The following MBD1 variants were observed in gnomAD, a reference collection of about 807,000 sequenced individuals.
MBD1 encodes methyl-CpG-binding domain protein 1.
Under a neutral mutation model 82.6 loss-of-function variants are expected in MBD1, and 25 were observed. That is an observed-to-expected ratio of 0.30 (90% confidence interval 0.22 to 0.42). The LOEUF (loss-of-function observed/expected upper bound fraction) is 0.42, where lower values mean the gene tolerates loss of function less well. Ranked by LOEUF, MBD1 falls within the 10% of genes least tolerant of loss-of-function variation. The pLI is 1.00. For synonymous variants in MBD1, 301 were observed against 303.7 expected (o/e 0.99, Z 0.09); for missense variants, 627 against 819.6 (o/e 0.76, Z 2.87).
At chr18:50,275,512 T>C in intron 8 of MBD1, 88 bp downstream of exon 8, 4 of 1,607,888 alleles carry the variant, frequency 2.5e-6, no homozygotes, top group Non-Finnish European at 3.4e-6. Flanking sequence ...AAGAAAGACA[T>C]GAGGTAGGCA....
downstream of MBD1, among the ~76,000 whole-genome samples, chr18:50,268,566 G>A (rs1367491993): frequency 1.3e-5 from 2 of 152,262 alleles, no homozygotes; most frequent in Non-Finnish European, 2.9e-5. Flanking sequence ...GTGCCTCCAG[G>A]GCCCCGGTGG....
chr18:50,278,333 G>C (rs923433069), intron 2 of MBD1, among the ~76,000 whole-genome samples: 1 of 152,172 alleles, frequency 6.6e-6, no homozygotes, highest in African/African-American at 2.4e-5. Flanking sequence ...TTGCAGATAA[G>C]GGGGAGACTA....
intron 1 of MBD1, among the ~76,000 whole-genome samples, chr18:50,280,567 T>C (rs533499813): frequency 6.6e-6 from 1 of 152,078 alleles, no homozygotes; most frequent in South Asian, 2.1e-4. Flanking sequence ...CCTCTTATCC[T>C]GCTACCTCAG....
rs1282377484 is a variant in MBD1 at position 50,271,042 on chromosome 18, T to C, written c.*32+427A>G. The C allele has an allele frequency of 4.9e-6, 5 of 1,017,052 alleles. 1 individual carries two copies. The South Asian group carries it at 1.2e-4, about 24-fold the overall frequency. 63.0% of individuals were successfully genotyped at this position (1,017,052 alleles called of 1,614,324 possible). A position where few individuals can be genotyped will look rare whatever the true frequency, so the allele number is the denominator to read the frequency against. On this transcript the variant is annotated intron_variant, in intron 16 of 16. Coordinates refer to ENST00000269468, the MANE Select transcript of MBD1 (RefSeq NM_015846.4). ...TGGGTCCACAGAGGAACACACCAAATAGCAGTTCCTTTCCTTATTTATTCA... is the reference window on the plus strand; with the variant it reads ...TGGGTCCACAGAGGAACACACCAAACAGCAGTTCCTTTCCTTATTTATTCA...
intron 16 of MBD1, 191 bp from the exon 17 acceptor site, chr18:50,270,009 G>A: frequency 6.3e-7 from 1 of 1,597,518 alleles, no homozygotes; most frequent in Non-Finnish European, 8.5e-7. Flanking sequence ...TAACTCATGA[G>A]TCTAAATGTC....
downstream of MBD1, chr18:50,267,746 A>G (rs1362290807): frequency 1.6e-5 from 14 of 864,842 alleles, no homozygotes; most frequent in East Asian, 3.7e-4. Flanking sequence ...CACATGCAAC[A>G]AATCAGTACC....
chr18:50,274,157 G>A (rs764169996), intron 11 of MBD1, 29 bp downstream of exon 11: 114 of 1,612,522 alleles, frequency 7.1e-5, no homozygotes, highest in Non-Finnish European at 9.1e-5. Flanking sequence ...AACCTATCCC[G>A]TCCACCTGAC....
Position 50,279,903 on chromosome 18 carries a change from G to C in MBD1, c.90C>G (p.Arg30=). ...AGTACCTCTGGTAATAGGTGTCTGAGCGTCCACAGGTGGCCCCTGACTTGC... is the reference window on the plus strand; with the variant it reads ...AGTACCTCTGGTAATAGGTGTCTGACCGTCCACAGGTGGCCCCTGACTTGC... ...VFRKSGATCG[R]SDTYYQSPTG... is the part of the protein sequence containing the mutation. Residue 30 remains arginine (R), a synonymous_variant, in exon 2 of 17, where the codon CGC becomes CGG. Coordinates refer to ENST00000269468, the MANE Select transcript of MBD1 (RefSeq NM_015846.4). 1 of 1,613,972 alleles carries C rather than the reference G, an allele frequency of 6.2e-7. No homozygotes were observed. Among genetic ancestry groups the C allele is most frequent in the South Asian group, 1.1e-5 (1 of 91,080 alleles).
At chr18:50,279,791 T>G in intron 2 of MBD1, 92 bp downstream of exon 2, 2 of 1,546,780 alleles carry the variant, frequency 1.3e-6, no homozygotes. Context: ...GTGCATAATT[T>G]AAACTTCATC....
chr18:50,269,508 G>A lies in MBD1; in HGVS notation c.*343C>T, dbSNP rs1482216540. 3 of 715,758 alleles carry A rather than the reference G, an allele frequency of 4.2e-6. No homozygotes were observed. The highest frequency in any genetic ancestry group is 2.0e-5 in the Admixed American group (1 of 49,818). 44.3% of individuals were successfully genotyped at this position (715,758 alleles called of 1,614,324 possible). On this transcript the variant is annotated 3_prime_UTR_variant, in exon 17 of 17. Transcript: ENST00000269468. Reference sequence around the variant, plus strand: ...GTTGTTGCAGTTCACACGTTGCCATGTATCTGCTAGATCACCTCGTTGGTG... The same window carrying A: ...GTTGTTGCAGTTCACACGTTGCCATATATCTGCTAGATCACCTCGTTGGTG...
intron 10 of MBD1, 21 bp from the exon 11 acceptor site, chr18:50,274,374 G>A: frequency 6.2e-7 from 1 of 1,608,272 alleles, no homozygotes; most frequent in Non-Finnish European, 8.5e-7. Flanking sequence ...GGGAATGGGT[G>A]GTGCTGTCAA....
In MBD1 at chr18:50,277,725, T is replaced by C. The variant is rs1162714251; in HGVS notation, c.111-521A>G. On this transcript the variant is annotated intron_variant, in intron 2 of 16. Transcript: ENST00000269468. ...GAGAGACAACGATTGTCCTTTTTGA[T>C]AAACTATCTTTCCAAGGATGTTTGT... 2.0e-5 allele frequency among the ~76,000 whole-genome samples: 3 copies of C among 152,172 alleles called. No individual in the cohort carries two copies. In the East Asian group the frequency reaches 5.8e-4, roughly 29 times the overall value.
Position 50,273,363 on chromosome 18 carries a change from G to A in MBD1, c.1555C>T (p.Pro519Ser). ...WTPGTAVLTS[P>S]VLVPGCPSKA... ...CTAGGGCAGCCAGGCACCAATACGG[G>A]AGAAGTCAGGACAGCTGTGCCTGGT... Residue 519 changes from proline to serine, a missense_variant, in exon 13 of 17, where the codon CCC becomes TCC. Physicochemically the swap from Pro to Ser is moderately conservative, Grantham distance 74 (BLOSUM62 -1). Coordinates refer to ENST00000269468, the MANE Select transcript of MBD1 (RefSeq NM_015846.4). 6.2e-7 allele frequency: 1 copy of A among 1,614,196 alleles called. No homozygotes were observed. Among genetic ancestry groups the A allele is most frequent in the Middle Eastern group, 1.7e-4 (1 of 6,060 alleles).
intron 2 of MBD1, among the ~76,000 whole-genome samples, chr18:50,279,271 C>T (rs2039295245): frequency 6.6e-6 from 1 of 152,224 alleles, no homozygotes; most frequent in Non-Finnish European, 1.5e-5. Context: ...TCTTACATAG[C>T]TTCAAGACTA....
chr18:50,276,972 C>T lies in MBD1; in HGVS notation c.252G>A (p.Lys84=). The change falls in exon 4 of 17, where the codon AAG becomes AAA. Residue 84 remains lysine (K), a synonymous_variant. Transcript: ENST00000269468. ...CTGGCCTTGAAGGCTTCTTTCGCTT[C>T]TTGCTGGCAACCGCCACGGGATGGG... is the stretch of plus-strand genomic sequence containing the variant. ...PKAHPVAVAS[K]KRKKPSRPAK... is the part of the protein sequence containing the mutation. 3 of 1,614,232 alleles carry T rather than the reference C, an allele frequency of 1.9e-6. No individual in the cohort carries two copies. The highest frequency in any genetic ancestry group is 2.5e-6 in the Non-Finnish European group (3 of 1,180,046).
chr18:50,269,263 T>C lies in MBD1; in HGVS notation c.*588A>G, dbSNP rs1281480915. The C allele has an allele frequency of 1.8e-6, 2 of 1,126,016 alleles. No homozygotes were observed. Among genetic ancestry groups the C allele is most frequent in the South Asian group, 4.5e-5 (2 of 44,762 alleles). The allele number at this position is 1,126,016 out of a possible 1,614,324, so 69.8% of individuals were successfully genotyped here. On this transcript the variant is annotated 3_prime_UTR_variant, in exon 17 of 17. Coordinates refer to ENST00000269468, the MANE Select transcript of MBD1 (RefSeq NM_015846.4). Reference sequence around the variant, plus strand: ...CTTCAGCTTTGCATTTTCAGCCACATAGTTATATTGAGTTATCCTCAGGTG... The same window carrying C: ...CTTCAGCTTTGCATTTTCAGCCACACAGTTATATTGAGTTATCCTCAGGTG...
At chr18:50,281,745 C>G (rs986981951), upstream of MBD1, 3 of 357,554 alleles carry the variant, frequency 8.4e-6, no homozygotes, top group Non-Finnish European at 1.5e-5. Flanking sequence ...CGGCTCTCCT[C>G]GCTGCCCATC....
chr18:50,272,346 A>T (rs1182812296), intron 15 of MBD1: 1 of 370,582 alleles, frequency 2.7e-6, no homozygotes, highest in Non-Finnish European at 5.1e-6. Flanking sequence ...TCTGAATAAG[A>T]ATTTATATAT....
Position 50,272,975 on chromosome 18 carries a change from G to C in MBD1, c.1585-20C>G, listed in dbSNP as rs751283228. ...TACTGCCTGGGAGAAGTAGGAAACA[G>C]GCAACCATTAGAAGGGCAGAGTTCA... On this transcript the variant is annotated intron_variant, in intron 13 of 16. Coordinates refer to ENST00000269468, the MANE Select transcript of MBD1 (RefSeq NM_015846.4). The C allele has an allele frequency of 7.4e-6, 12 of 1,613,962 alleles. No individual in the cohort carries two copies. The highest frequency in any genetic ancestry group is 2.2e-5 in the East Asian group (1 of 44,850).
Sources: allele counts gnomAD v4.1 joint callset (sites outside exome capture counted in the v4.1 genomes callset), GRCh38; gene constraint gnomAD v4.1.1; transcripts MANE v1.5; gene names NCBI Gene and HGNC (gene_info 2026-07-23, HGNC 2026-07-21).